Variants in NOL4 observed in about 807,000 individuals in gnomAD.
NOL4 encodes the protein cancer/testis antigen 125.
Under a neutral mutation model 75.9 loss-of-function variants are expected in NOL4, and 17 were observed. The ratio of observed to expected loss-of-function variants is 0.22; its 90% CI spans 0.15 to 0.34. The LOEUF (loss-of-function observed/expected upper bound fraction) is 0.34, where lower values mean the gene tolerates loss of function less well. Among genes scored for constraint, NOL4 ranks in the 10% least tolerant of loss-of-function variants. NOL4 has a pLI of 1.00. For missense variants in NOL4, 614 were observed against 793.5 expected (o/e 0.77, Z 2.72); for synonymous variants, 292 against 289.9 (o/e 1.01, Z -0.07).
chr18:34,008,178 T>TG (rs1383381084), intron 6 of NOL4, among the ~76,000 whole-genome samples: 1 of 151,966 alleles, frequency 6.6e-6, no homozygotes, highest in African/African-American at 2.4e-5. Context: ...TTGGCACTCT[T>TG]GGGTTTATGG....
At position 34,093,339 on chromosome 18, in the gene NOL4, G is replaced by T. The variant is rs2145550780; in HGVS notation, c.772+126C>A. 4 of 953,296 alleles carry T rather than the reference G, an allele frequency of 4.2e-6. No individual in the cohort carries two copies. In the South Asian group the frequency reaches 5.8e-5, roughly 14 times the overall value. The allele number at this position is 953,296 out of a possible 1,614,324, so 59.1% of individuals were successfully genotyped here. A position where few individuals can be genotyped will look rare whatever the true frequency, so the allele number is the denominator to read the frequency against. On this transcript the variant is annotated intron_variant, in intron 5 of 10. Transcript: ENST00000261592. Reference sequence around the variant, plus strand: ...ATATAACCTAAATACATAGAGAAAAGTTCCCATAGAAATGGGTAGATTTTT... The same window carrying T: ...ATATAACCTAAATACATAGAGAAAATTTCCCATAGAAATGGGTAGATTTTT...
chr18:34,137,964 A>G (rs2145962922), intron 1 of NOL4, among the ~76,000 whole-genome samples: 1 of 152,244 alleles, frequency 6.6e-6, no homozygotes, highest in South Asian at 2.1e-4. Flanking sequence ...TAACCATACA[A>G]AGGAATATCT....
At chr18:34,135,794 C>T (rs1165511872) in intron 1 of NOL4, among the ~76,000 whole-genome samples, 1 of 150,098 alleles carries the variant, frequency 6.7e-6, no homozygotes, top group Non-Finnish European at 1.5e-5. Flanking sequence ...TCATCACAAA[C>T]TCTTTTAAAG....
intron 10 of NOL4, among the ~76,000 whole-genome samples, chr18:33,871,753 G>C (rs960204871): frequency 6.6e-6 from 1 of 151,956 alleles, no homozygotes; most frequent in African/African-American, 2.4e-5. Context: ...TAGAGAACAG[G>C]CTTTTAGGAA....
At chr18:34,221,879 C>T (rs1568464006) in intron 1 of NOL4, 3 of 624,814 alleles carry the variant, frequency 4.8e-6, no homozygotes, top group Non-Finnish European at 8.1e-6. Flanking sequence ...TTTCTAGCAT[C>T]CTCCAGGAAT....
At chr18:34,005,558 C>T (rs2073986320) in intron 6 of NOL4, among the ~76,000 whole-genome samples, 1 of 151,990 alleles carries the variant, frequency 6.6e-6, no homozygotes, top group Non-Finnish European at 1.5e-5. Flanking sequence ...CTTGAAACTC[C>T]ATAATCTCAA....
chr18:33,941,650 T>C (rs905257700), intron 9 of NOL4, among the ~76,000 whole-genome samples: 3 of 151,930 alleles, frequency 2.0e-5, no homozygotes, highest in African/African-American at 7.2e-5. Context: ...AAAGTTCTCA[T>C]AACGACTCCA....
In NOL4 at chr18:33,958,317, A is replaced by C; in HGVS notation, c.1158T>G (p.Asp386Glu). The change falls in exon 7 of 11, where the codon GAT becomes GAG. Residue 386 changes from aspartate to glutamate, a missense_variant. Coordinates refer to ENST00000261592, the MANE Select transcript of NOL4 (RefSeq NM_003787.5). ...CCGAATCGTCATGGTCCTCGTGGTC[A>C]TCTTCGTCCTCATCTCCCCTGTTTA... is the stretch of plus-strand genomic sequence containing the variant. Reference protein sequence around the residue: ...LSLNRGDEDEDDHEDHDDSEK... With the variant: ...LSLNRGDEDEEDHEDHDDSEK... 6.2e-7 allele frequency: 1 copy of C among 1,613,844 alleles called. No individual in the cohort carries two copies. Among genetic ancestry groups the C allele is most frequent in the Non-Finnish European group, 8.5e-7 (1 of 1,179,816 alleles).
At chr18:34,166,755 A>AATAT (rs2032392809) in intron 1 of NOL4, among the ~76,000 whole-genome samples, 1 of 111,974 alleles carries the variant, frequency 8.9e-6, no homozygotes, top group Admixed American at 9.8e-5. Flanking sequence ...AGTAAAAAAA[A>AATAT]GGCCGGGCGC....
intron 9 of NOL4, among the ~76,000 whole-genome samples, chr18:33,910,526 G>T (rs1438500124): frequency 6.6e-6 from 1 of 151,804 alleles, no homozygotes; most frequent in Middle Eastern, 3.4e-3. Context: ...CAGTGGTGAG[G>T]GTTCCTCTCT....
intron 5 of NOL4, among the ~76,000 whole-genome samples, chr18:34,066,146 G>A (rs2077266415): frequency 6.6e-6 from 1 of 151,878 alleles, no homozygotes; most frequent in South Asian, 2.1e-4. Context: ...GTGATTCAAT[G>A]TAATTTCTGT....
intron 1 of NOL4, among the ~76,000 whole-genome samples, chr18:34,174,390 A>T (rs2033341203): frequency 6.6e-6 from 1 of 152,146 alleles, no homozygotes; most frequent in Non-Finnish European, 1.5e-5. Flanking sequence ...ACAATCCAAT[A>T]TGTATTTGTT....
At chr18:34,161,367 G>A (rs1047833653) in intron 1 of NOL4, among the ~76,000 whole-genome samples, 77 of 152,014 alleles carry the variant, frequency 5.1e-4, no homozygotes, top group Non-Finnish European at 1.1e-3. Context: ...GTTTTATGAG[G>A]AGCCTCCACA....
chr18:33,877,200 C>T (rs747437709), intron 10 of NOL4, among the ~76,000 whole-genome samples: 18 of 151,796 alleles, frequency 1.2e-4, no homozygotes, highest in Non-Finnish European at 1.8e-4. Flanking sequence ...TTGCTGTGTC[C>T]TTGAGATATC....
At chr18:33,903,888 AC>A (rs1199024185) in intron 9 of NOL4, among the ~76,000 whole-genome samples, 2 of 151,928 alleles carry the variant, frequency 1.3e-5, no homozygotes, top group Non-Finnish European at 2.9e-5. Flanking sequence ...AAAATCAACC[AC>A]CCTCCCTCTA....
chr18:34,172,025 C>A (rs2033094620), intron 1 of NOL4, among the ~76,000 whole-genome samples: 1 of 151,962 alleles, frequency 6.6e-6, no homozygotes, highest in African/African-American at 2.4e-5. Flanking sequence ...CAAAAGCAAA[C>A]ACCTCAAAAT....
chr18:34,190,583 G>A (rs2146398403), intron 1 of NOL4, among the ~76,000 whole-genome samples: 1 of 151,954 alleles, frequency 6.6e-6, no homozygotes, highest in Non-Finnish European at 1.5e-5. Context: ...TTTACAGTGA[G>A]TCCTAGTCTC....
chr18:34,159,258 T>C (rs1014129772), intron 1 of NOL4, among the ~76,000 whole-genome samples: 6 of 152,240 alleles, frequency 3.9e-5, no homozygotes, highest in African/African-American at 1.2e-4. Flanking sequence ...GGGGGAGCAG[T>C]GCTCCCAACC....
chr18:34,008,423 C>T (rs2074179588), intron 6 of NOL4, among the ~76,000 whole-genome samples: 1 of 138,730 alleles, frequency 7.2e-6, no homozygotes, highest in Non-Finnish European at 1.6e-5. Context: ...CCTATGGGTT[C>T]CATTTGTCTG....
Sources: gnomAD v4.1 joint callset for allele counts (sites outside exome capture counted in the v4.1 genomes callset) on GRCh38, gnomAD v4.1.1 for gene constraint, MANE v1.5 for transcripts, NCBI Gene and HGNC (gene_info 2026-07-23, HGNC 2026-07-21) for gene names.